Variants in TPRG1 observed in about 807,000 individuals in gnomAD.
TPRG1 encodes the protein tumor protein p63 regulated 1.
A neutral mutation model predicts 29.3 loss-of-function variants in TPRG1; 29 were observed. The observed-to-expected ratio is 0.99, with a 90% CI of 0.74 to 1.35. The LOEUF is 1.35. TPRG1 is among the 40% of genes most tolerant of loss of function. TPRG1 has a pLI of 0.00. For missense variants in TPRG1, 327 were observed against 335.0 expected, an observed-to-expected ratio of 0.98 and a Z score of 0.19; for synonymous variants, 130 against 116.8, an observed-to-expected ratio of 1.11 and a Z score of -0.73.
chr3:189,258,127 T>C (rs1712243326), intron 4 of TPRG1, among the ~76,000 whole-genome samples: 1 of 152,208 alleles, frequency 6.6e-6, no homozygotes, highest in Admixed American at 6.5e-5. Flanking sequence ...TTTTTCCTCA[T>C]CTTCATGGAT....
chr3:189,290,998 T>C (rs960487322), intron 4 of TPRG1, among the ~76,000 whole-genome samples: 1 of 152,078 alleles, frequency 6.6e-6, no homozygotes, highest in Admixed American at 6.6e-5. Flanking sequence ...CGCCTCCGGG[T>C]TCACGCCATT....
chr3:189,294,759 T>C (rs568780204), intron 4 of TPRG1, among the ~76,000 whole-genome samples: 2 of 152,222 alleles, frequency 1.3e-5, no homozygotes, highest in African/African-American at 4.8e-5. Flanking sequence ...GTGTAGACCA[T>C]GTTCCCTTTT....
chr3:189,014,382 T>C (rs1712812844), intron 3 of TPRG1, among the ~76,000 whole-genome samples: 1 of 152,214 alleles, frequency 6.6e-6, no homozygotes, highest in Non-Finnish European at 1.5e-5. Flanking sequence ...GGCCTACTGT[T>C]AGTCTACTGG....
chr3:189,250,765 A>T (rs1742113420), intron 4 of TPRG1, among the ~76,000 whole-genome samples: 1 of 151,470 alleles, frequency 6.6e-6, no homozygotes, highest in Non-Finnish European at 1.5e-5. Context: ...AAAAAAAAAA[A>T]AAGCAATGAT....
At chr3:189,227,990 G>A (rs915467321) in intron 3 of TPRG1, among the ~76,000 whole-genome samples, 30 of 152,028 alleles carry the variant, frequency 2.0e-4, no homozygotes, top group East Asian at 1.4e-3. Flanking sequence ...GTGTGGTGGC[G>A]GGCGCCTGTA....
intron 1 of TPRG1, among the ~76,000 whole-genome samples, chr3:189,190,258 C>T (rs2108738066): frequency 6.6e-6 from 1 of 152,262 alleles, no homozygotes; most frequent in Middle Eastern, 3.4e-3. Flanking sequence ...TCTTTCACTG[C>T]CTTTATGTTC....
chr3:189,050,506 T>G (rs1715247940), intron 4 of TPRG1, among the ~76,000 whole-genome samples: 1 of 152,030 alleles, frequency 6.6e-6, no homozygotes, highest in South Asian at 2.1e-4. Context: ...TATCAGACAT[T>G]CACAGAATTG....
chr3:189,315,624 A>C (rs1468153312), intron 5 of TPRG1: 1 of 386,662 alleles, frequency 2.6e-6, no homozygotes, highest in Admixed American at 3.2e-5. Flanking sequence ...TTGTATTTCT[A>C]TCCATCTTTT....
chr3:189,020,688 TG>T (rs1454228260), intron 3 of TPRG1, among the ~76,000 whole-genome samples: 19 of 135,154 alleles, frequency 1.4e-4, no homozygotes, highest in African/African-American at 5.3e-4. Context: ...GGTGTGGTGC[TG>T]AAAAAAATGT....
upstream of TPRG1, among the ~76,000 whole-genome samples, chr3:189,167,306 CTG>C (rs778012792): frequency 1.3e-5 from 2 of 152,156 alleles, no homozygotes; most frequent in Non-Finnish European, 2.9e-5. Context: ...GGGGTGGAGA[CTG>C]TGGCAAGTTT....
At chr3:189,268,915 CATTGAAT>C (rs1007874737) in intron 4 of TPRG1, among the ~76,000 whole-genome samples, 11 of 152,156 alleles carry the variant, frequency 7.2e-5, no homozygotes, top group African/African-American at 2.7e-4. Context: ...TACTTGTGAA[CATTGAAT>C]GTTGGCTTTT....
At chr3:189,260,275 G>T (rs769752172) in intron 4 of TPRG1, among the ~76,000 whole-genome samples, 1 of 152,168 alleles carries the variant, frequency 6.6e-6, no homozygotes, top group Non-Finnish European at 1.5e-5. Context: ...TTTGAATTAC[G>T]CAAGCATCTT....
At chr3:189,250,166 G>A (rs1741938678) in intron 4 of TPRG1, among the ~76,000 whole-genome samples, 1 of 152,128 alleles carries the variant, frequency 6.6e-6, no homozygotes, top group Admixed American at 6.5e-5. Context: ...TGCAACCTGT[G>A]GTTAGAGTGG....
In TPRG1 at chr3:189,039,687, T is replaced by C. The variant is rs548776916; in HGVS notation, c.-463+15741T>C. On this transcript the variant is annotated intron_variant, in intron 4 of 10. Transcript: ENST00000433971. ...GAAAACCACAAAGTTTTTGCAATTTTAGCAGAAGTCTAGTTTTGAAGATCA... is the reference window on the plus strand; with the variant it reads ...GAAAACCACAAAGTTTTTGCAATTTCAGCAGAAGTCTAGTTTTGAAGATCA... Among the ~76,000 whole-genome samples the C allele has an allele frequency of 2.6e-5, 4 of 152,326 alleles. No homozygotes were observed. The East Asian group carries it at 7.7e-4, about 29-fold the overall frequency.
chr3:189,236,927 A>G (rs1401854019), intron 3 of TPRG1, among the ~76,000 whole-genome samples: 2 of 152,192 alleles, frequency 1.3e-5, no homozygotes, highest in Non-Finnish European at 2.9e-5. Flanking sequence ...TCACTTAGTG[A>G]CACAGGTCCC....
intron 4 of TPRG1, among the ~76,000 whole-genome samples, chr3:189,025,594 G>C (rs932868168): frequency 1.3e-5 from 2 of 152,154 alleles, no homozygotes; most frequent in African/African-American, 4.8e-5. Flanking sequence ...GATAAAATGT[G>C]AGCAGTATAC....
chr3:189,079,265 C>A (rs1375170424), intron 4 of TPRG1, among the ~76,000 whole-genome samples: 1 of 152,090 alleles, frequency 6.6e-6, no homozygotes, highest in Non-Finnish European at 1.5e-5. Context: ...GCCCACATGA[C>A]CCCGACACCT....
rs572385664 is a variant in TPRG1, at chr3:189,195,566, A to T, written c.-9-11810A>T. Among the ~76,000 whole-genome samples the T allele has an allele frequency of 3.9e-5, 6 of 152,274 alleles. No homozygotes were observed. The South Asian group carries it at 1.2e-3, about 32-fold the overall frequency. ...CCATAGTTCTAATTCAAGACAGTGT[A>T]TTGCAGTAGCCGTGTGGGCCACAGG... On this transcript the variant is annotated intron_variant, in intron 1 of 5. Coordinates refer to ENST00000345063, the MANE Select transcript of TPRG1 (RefSeq NM_198485.4).
intron 1 of TPRG1, chr3:189,121,595 A>G (rs1721834011): frequency 6.6e-6 from 1 of 152,182 alleles, no homozygotes; most frequent in African/African-American, 2.4e-5. Context: ...AGCTACTGCT[A>G]TTACTGGAAT....
Sources: gnomAD v4.1 joint callset for allele counts (sites outside exome capture counted in the v4.1 genomes callset) on GRCh38, gnomAD v4.1.1 for gene constraint, MANE v1.5 for transcripts, NCBI Gene and HGNC (gene_info 2026-07-23, HGNC 2026-07-21) for gene names.